Variants in ZNF385D observed in about 807,000 individuals in gnomAD.
ZNF385D encodes the protein zinc finger protein 385D.
A neutral mutation model predicts 35.8 loss-of-function variants in ZNF385D; 15 were observed. The ratio of observed to expected loss-of-function variants is 0.42; its 90% CI spans 0.28 to 0.64. ZNF385D has a LOEUF of 0.64. ZNF385D is among the 30% of genes least tolerant of loss of function. ZNF385D has a pLI of 0.23. For synonymous variants in ZNF385D, 212 were observed against 186.8 expected, an observed-to-expected ratio of 1.13 and a Z score of -1.10; for missense variants, 474 against 494.6, an observed-to-expected ratio of 0.96 and a Z score of 0.39.
At chr3:22,320,855 CTT>C (rs1210250429) in intron 2 of ZNF385D, among the ~76,000 whole-genome samples, 13 of 151,536 alleles carry the variant, frequency 8.6e-5, no homozygotes, top group South Asian at 4.2e-4. Flanking sequence ...ATTTCATTAA[CTT>C]ATATTTTTAT....
chr3:21,565,058 G>A (rs900269696), intron 2 of ZNF385D, among the ~76,000 whole-genome samples: 10 of 152,062 alleles, frequency 6.6e-5, no homozygotes, highest in African/African-American at 2.4e-4. Context: ...GCCCAAAAAT[G>A]GATTTCAAAA....
chr3:22,191,419 G>A (rs977192348), intron 2 of ZNF385D, among the ~76,000 whole-genome samples: 7 of 151,584 alleles, frequency 4.6e-5, no homozygotes, highest in Admixed American at 1.3e-4. Flanking sequence ...CCTGGGAGGC[G>A]GAGGATGCAG....
At chr3:22,003,071 C>A (rs762346033) in intron 3 of ZNF385D, among the ~76,000 whole-genome samples, 1 of 152,092 alleles carries the variant, frequency 6.6e-6, no homozygotes, top group South Asian at 2.1e-4. Context: ...GAAGTCCTAG[C>A]CAGAGCAATC....
chr3:21,808,886 C>A (rs981260821), intron 3 of ZNF385D, among the ~76,000 whole-genome samples: 1 of 152,112 alleles, frequency 6.6e-6, no homozygotes, highest in Non-Finnish European at 1.5e-5. Flanking sequence ...CAAAGTAGGA[C>A]AGATTAAAAT....
At position 21,658,592 on chromosome 3, in the gene ZNF385D, T is replaced by A. The variant is rs894836464; in HGVS notation, c.165+6294A>T. Among the ~76,000 whole-genome samples the A allele has an allele frequency of 2.3e-5, 3 of 132,090 alleles. No homozygotes were observed. In the East Asian group the frequency reaches 6.0e-4, roughly 26 times the overall value. 86.7% of individuals were successfully genotyped at this position (132,090 alleles called of 152,430 possible). ...TATATCTATTACCTATCTACCTATA[T>A]ATCTATCTATTCCACTCTATTCATT... On this transcript the variant is annotated intron_variant, in intron 2 of 7. Transcript: ENST00000281523.
intron 3 of ZNF385D, among the ~76,000 whole-genome samples, chr3:21,512,940 T>C (rs1707317292): frequency 6.6e-6 from 1 of 152,182 alleles, no homozygotes; most frequent in African/African-American, 2.4e-5. Context: ...TTCTCTTCTC[T>C]TTGCAAGTAA....
At chr3:21,895,076 A>T (rs1026265300) in intron 3 of ZNF385D, among the ~76,000 whole-genome samples, 2 of 152,084 alleles carry the variant, frequency 1.3e-5, no homozygotes, top group Non-Finnish European at 2.9e-5. Context: ...TAAAATAAGA[A>T]TCTGTGGTGT....
chr3:21,940,838 C>A lies in ZNF385D; in HGVS notation c.325+227979G>T, dbSNP rs77948862. Among the ~76,000 whole-genome samples, 377 of 152,158 alleles carry A rather than the reference C, an allele frequency of 2.5e-3. 1 individual carries two copies. Among genetic ancestry groups the A allele is most frequent in the African/African-American group, 8.6e-3 (359 of 41,516 alleles). ...TGCTGCATAAAATATTTATCAATGT[C>A]ATAATACAGAAATAGTTTTGAATAC... On this transcript the variant is annotated intron_variant, in intron 3 of 5. Coordinates refer to the ZNF385D transcript ENST00000494108.
chr3:22,240,012 A>G (rs1699400648), intron 2 of ZNF385D, among the ~76,000 whole-genome samples: 1 of 148,918 alleles, frequency 6.7e-6, no homozygotes, highest in African/African-American at 2.5e-5. Context: ...CCCAGTCTCT[A>G]CAAAAAAAAA....
intron 3 of ZNF385D, among the ~76,000 whole-genome samples, chr3:22,016,593 T>A (rs1696901659): frequency 6.6e-6 from 1 of 152,034 alleles, no homozygotes; most frequent in South Asian, 2.1e-4. Context: ...ATTCTCTGAA[T>A]CACATCTTCT....
At chr3:21,617,833 C>T (rs1340963989) in intron 2 of ZNF385D, among the ~76,000 whole-genome samples, 1 of 152,146 alleles carries the variant, frequency 6.6e-6, no homozygotes, top group Non-Finnish European at 1.5e-5. Flanking sequence ...AGGAAACTGG[C>T]CTTCTTTCCC....
chr3:22,362,027 T>C (rs1379372283), intron 2 of ZNF385D, among the ~76,000 whole-genome samples: 3 of 151,396 alleles, frequency 2.0e-5, no homozygotes, highest in African/African-American at 7.3e-5. Flanking sequence ...TTATTATTAG[T>C]TATAATTATA....
intron 2 of ZNF385D, chr3:22,372,395 G>C: frequency 1.0e-6 from 1 of 964,650 alleles, no homozygotes; most frequent in Non-Finnish European, 1.2e-6. Flanking sequence ...CTTGCCCGGC[G>C]CCCCAACGAA....
intron 3 of ZNF385D, among the ~76,000 whole-genome samples, chr3:21,827,903 G>T (rs1694748287): frequency 6.6e-6 from 1 of 152,072 alleles, no homozygotes; most frequent in African/African-American, 2.4e-5. Flanking sequence ...AAAGAGTGTT[G>T]GTAGAGGGCT....
At chr3:22,274,763 T>G (rs1701342388) in intron 2 of ZNF385D, among the ~76,000 whole-genome samples, 1 of 151,128 alleles carries the variant, frequency 6.6e-6, no homozygotes, top group Admixed American at 6.6e-5. Context: ...TATTGCGGCT[T>G]GGATTCCAAC....
rs555083486 is a variant in ZNF385D at position 22,085,083 on chromosome 3, G to C, written c.325+83734C>G. On this transcript the variant is annotated intron_variant, in intron 3 of 5. Transcript: ENST00000494108. ...TGCGACACATTTAAAGCAGTGTGTA[G>C]AGGGAAATTTATAGCACTAAATGCT... is the stretch of plus-strand genomic sequence containing the variant. 3.9e-5 allele frequency among the ~76,000 whole-genome samples: 6 copies of C among 152,338 alleles called. No individual in the cohort carries two copies. The South Asian group carries it at 1.0e-3, about 26-fold the overall frequency.
At chr3:21,815,484 A>G (rs2073106744) in intron 3 of ZNF385D, among the ~76,000 whole-genome samples, 3 of 152,218 alleles carry the variant, frequency 2.0e-5, no homozygotes, top group Admixed American at 2.0e-4. Flanking sequence ...GCAATAAAAA[A>G]TGATAAAGGG....
rs567899327 is a variant in ZNF385D, at chr3:21,959,971, A to G, written c.325+208846T>C. ...GAAAACATAGGGGAAATTTTTCAGA[A>G]CATTGGAGTAGGCAAATATTTGATG... On this transcript the variant is annotated intron_variant, in intron 3 of 5. Transcript: ENST00000494108. 2.5e-4 allele frequency among the ~76,000 whole-genome samples: 38 copies of G among 151,902 alleles called. No homozygotes were observed. In the South Asian group the frequency reaches 7.3e-3, roughly 29 times the overall value.
chr3:22,065,254 A>G (rs1699880976), intron 3 of ZNF385D, among the ~76,000 whole-genome samples: 1 of 152,222 alleles, frequency 6.6e-6, no homozygotes, highest in African/African-American at 2.4e-5. Flanking sequence ...AAGCACTGAT[A>G]GAGAATGAGG....
Sources: gnomAD v4.1 joint callset for allele counts (sites outside exome capture counted in the v4.1 genomes callset) on GRCh38, gnomAD v4.1.1 for gene constraint, MANE v1.5 for transcripts, NCBI Gene and HGNC (gene_info 2026-07-23, HGNC 2026-07-21) for gene names.